LY9: variants seen among roughly 807,000 people sequenced by gnomAD.
LY9 encodes T-lymphocyte surface antigen Ly-9.
In LY9, 59 loss-of-function variants were observed where a neutral mutation model predicts 64.6. The ratio of observed to expected loss-of-function variants is 0.91; its 90% CI spans 0.74 to 1.13. The LOEUF (loss-of-function observed/expected upper bound fraction) is 1.13, where lower values mean the gene tolerates loss of function less well. Among genes scored for constraint, LY9 ranks in the 50% most tolerant of loss-of-function variants. The probability of loss-of-function intolerance (pLI) is 0.00; values close to 1 mark genes in which losing one functional copy is unlikely to be tolerated. For synonymous variants in LY9, 281 were observed against 308.5 expected (o/e 0.91, Z 0.93); for missense variants, 789 against 797.2 (o/e 0.99, Z 0.12).
At chr1:160,815,649 G>C (rs1378107950) in intron 4 of LY9, among the ~76,000 whole-genome samples, 3 of 152,206 alleles carry the variant, frequency 2.0e-5, no homozygotes, top group African/African-American at 7.2e-5. Flanking sequence ...GCCTCCCAAA[G>C]TGCTGGGATT....
At chr1:160,827,707 G>C (rs1334454268) in intron 9 of LY9, 41 bp from the exon 10 acceptor site, 2 of 1,514,220 alleles carry the variant, frequency 1.3e-6, no homozygotes, top group African/African-American at 1.4e-5. Flanking sequence ...CTCTTCCAAG[G>C]CTTTATTAAC....
At chr1:160,810,381 G>T (rs1667373728) in intron 2 of LY9, 1 of 152,080 alleles carries the variant, frequency 6.6e-6, no homozygotes, top group South Asian at 2.1e-4. Context: ...GTTTTTCCTG[G>T]GACCTCTCTC....
intron 4 of LY9, among the ~76,000 whole-genome samples, chr1:160,815,927 G>T (rs1464911188): frequency 6.6e-6 from 1 of 152,178 alleles, no homozygotes; most frequent in African/African-American, 2.4e-5. Context: ...TCCTTCACTT[G>T]TGCCATTCAG....
chr1:160,821,151 T>TAAAAAAAA (rs373539992), intron 7 of LY9, among the ~76,000 whole-genome samples: 2,390 of 104,920 alleles, frequency 0.023, 92 homozygotes, highest in African/African-American at 0.059. Context: ...GAAACTTTGC[T>TAAAAAAAA]AAAAAAAAAA....
At chr1:160,818,053 G>A (rs1668094890) in intron 5 of LY9, among the ~76,000 whole-genome samples, 165 bp from the exon 6 acceptor site, 1 of 152,164 alleles carries the variant, frequency 6.6e-6, no homozygotes, top group Non-Finnish European at 1.5e-5. Context: ...CTTGCCTAGA[G>A]TAATGCTTGC....
At chr1:160,812,573 A>T (rs1479963162) in intron 2 of LY9, 2 of 152,180 alleles carry the variant, frequency 1.3e-5, no homozygotes, top group Admixed American at 1.3e-4. Flanking sequence ...TATATTGTTA[A>T]TTTTTTAAGG....
chr1:160,805,198 A>G (rs1361865128), intron 2 of LY9, among the ~76,000 whole-genome samples: 1 of 151,440 alleles, frequency 6.6e-6, no homozygotes, highest in Non-Finnish European at 1.5e-5. Flanking sequence ...TTACATTATT[A>G]ATTTGTGATC....
chr1:160,814,265 A>G (rs1265450203), intron 3 of LY9, among the ~76,000 whole-genome samples, 155 bp from the exon 4 acceptor site: 3 of 152,232 alleles, frequency 2.0e-5, no homozygotes, highest in African/African-American at 7.2e-5. Flanking sequence ...ACAGGTGGTC[A>G]TGGAGAAGTA....
chr1:160,802,740 C>G (rs1666623912), intron 2 of LY9: 3 of 880,474 alleles, frequency 3.4e-6, no homozygotes, highest in Non-Finnish European at 4.1e-6. Flanking sequence ...AGTATCTTTT[C>G]TCCCCAGTGT....
chr1:160,796,604 G>A (rs781411619), intron 1 of LY9, among the ~76,000 whole-genome samples: 10 of 152,198 alleles, frequency 6.6e-5, no homozygotes, highest in Admixed American at 2.0e-4. Flanking sequence ...TGTTGGCCAC[G>A]GTGGTCTCGA....
intron 2 of LY9, chr1:160,812,172 T>C (rs1338983309): frequency 6.6e-6 from 1 of 152,238 alleles, no homozygotes; most frequent in Non-Finnish European, 1.5e-5. Context: ...GGCTCCCACA[T>C]GGCCACTTTC....
chr1:160,802,075 C>T lies in LY9; in HGVS notation c.454+1993C>T, dbSNP rs1666547256. 5.0e-6 allele frequency: 7 copies of T among 1,386,718 alleles called. No individual in the cohort carries two copies. In the South Asian group the frequency reaches 8.3e-5, roughly 16 times the overall value. The allele number at this position is 1,386,718 out of a possible 1,614,324, so 85.9% of individuals were successfully genotyped here. Reference sequence around the variant, plus strand: ...GGGCGTTAGGCGTGTCCCACCCACCCGCCGCCTCCCATGGCACGTCGGGAA... The same window carrying T: ...GGGCGTTAGGCGTGTCCCACCCACCTGCCGCCTCCCATGGCACGTCGGGAA... On this transcript the variant is annotated intron_variant, in intron 2 of 9. Transcript: ENST00000263285.
Position 160,796,300 on chromosome 1 carries a change from T to G in LY9, c.113T>G (p.Phe38Cys). The G allele has an allele frequency of 1.9e-6, 3 of 1,613,078 alleles. No individual in the cohort carries two copies. Among genetic ancestry groups the G allele is most frequent in the Non-Finnish European group, 2.5e-6 (3 of 1,179,882 alleles). Residue 38 changes from phenylalanine to cysteine, a missense_variant, in exon 1 of 10, where the codon TTC becomes TGC. Coordinates refer to ENST00000263285, the MANE Select transcript of LY9 (RefSeq NM_002348.4). ...TCTGTTCTACAGACCTCTCTCCTCT[T>G]CCTGCTCATGGGTAAGTCCACTTTA... Reference protein sequence around the residue: ...FSSVLQTSLLFLLMGLRASGK... With the variant: ...FSSVLQTSLLCLLMGLRASGK...
rs1456806875 is a variant in LY9 at position 160,813,687 on chromosome 1, ACTT to A, written c.509_511del (p.Phe170del). On this transcript the variant is annotated inframe_deletion, in exon 3 of 10. Coordinates refer to ENST00000263285, the MANE Select transcript of LY9 (RefSeq NM_002348.4). ...ATGAAGTCTGTGAAGGTGTCTGAGA[ACTT>A]CTCCTGTAACATCACTCTAATGTGC... 2 of 1,614,096 alleles carry A rather than the reference ACTT, an allele frequency of 1.2e-6. No individual in the cohort carries two copies. Among genetic ancestry groups the A allele is most frequent in the East Asian group, 2.2e-5 (1 of 44,878 alleles).
intron 2 of LY9, among the ~76,000 whole-genome samples, chr1:160,803,555 C>G (rs1006199707): frequency 2.0e-5 from 3 of 152,004 alleles, no homozygotes; most frequent in African/African-American, 7.3e-5. Context: ...CTATTATAAA[C>G]CGGATTCACT....
At chr1:160,801,819 G>A (rs774423525) in intron 2 of LY9, 5 of 1,613,912 alleles carry the variant, frequency 3.1e-6, no homozygotes, top group Middle Eastern at 1.6e-4. Context: ...GTCCGTCCAC[G>A]TCATCGAGGG....
At chr1:160,819,717 G>A (rs1224237617) in intron 7 of LY9, among the ~76,000 whole-genome samples, 1 of 151,256 alleles carries the variant, frequency 6.6e-6, no homozygotes, top group African/African-American at 2.4e-5. Context: ...ATTTAACCTG[G>A]GAGGTGGAGG....
chr1:160,801,838 G>T (rs369757789), intron 2 of LY9: 5 of 1,614,064 alleles, frequency 3.1e-6, no homozygotes, highest in East Asian at 2.2e-5. Context: ...GGTGACCACC[G>T]CACACTCCTG....
chr1:160,798,435 T>C (rs1666107989), intron 1 of LY9, among the ~76,000 whole-genome samples: 1 of 152,196 alleles, frequency 6.6e-6, no homozygotes, highest in Admixed American at 6.5e-5. Flanking sequence ...TTAAATGAGA[T>C]AATTTACATA....
Sources: allele counts gnomAD v4.1 joint callset (sites outside exome capture counted in the v4.1 genomes callset), GRCh38; gene constraint gnomAD v4.1.1; transcripts MANE v1.5; gene names NCBI Gene and HGNC (gene_info 2026-07-23, HGNC 2026-07-21).